CDC5L: variants seen among roughly 807,000 people sequenced by gnomAD.
CDC5L encodes cell division cycle 5 like.
A neutral mutation model predicts 104.1 loss-of-function variants in CDC5L; 18 were observed. The ratio of observed to expected loss-of-function variants is 0.17; its 90% CI spans 0.12 to 0.26. CDC5L has a LOEUF of 0.26. Among genes scored for constraint, CDC5L ranks in the 10% least tolerant of loss-of-function variants. The pLI is 1.00. For synonymous variants in CDC5L, 331 were observed against 322.7 expected, an observed-to-expected ratio of 1.03 and a Z score of -0.28; for missense variants, 673 against 956.9, an observed-to-expected ratio of 0.70 and a Z score of 3.91.
rs115934479 is a variant in CDC5L at position 44,438,458 on chromosome 6, A to G, written c.2092-7197A>G. Among the ~76,000 whole-genome samples the G allele has an allele frequency of 7.9e-3, 1,209 of 152,288 alleles. 21 individuals are homozygous for G. Among genetic ancestry groups the G allele is most frequent in the African/African-American group, 0.028 (1,155 of 41,554 alleles). ...GTTTTTAAGGACACAAAGATCTGAG[A>G]CCATTTAAATCAGAGTCTCTGGAGT... On this transcript the variant is annotated intron_variant, in intron 14 of 15. Transcript: ENST00000371477.
In CDC5L at chr6:44,402,938, T is replaced by A. The variant is rs184503227; in HGVS notation, c.540-871T>A. Among the ~76,000 whole-genome samples the A allele has an allele frequency of 3.2e-3, 495 of 152,368 alleles. 2 individuals carry two copies. Among genetic ancestry groups the A allele is most frequent in the African/African-American group, 0.011 (452 of 41,590 alleles). On this transcript the variant is annotated intron_variant, in intron 5 of 15. Transcript: ENST00000371477. Reference sequence around the variant, plus strand: ...GTTTAGATTGTATCCAGCTATCTACTATCATAAACAGTGCTTAGTGAACAG... The same window carrying A: ...GTTTAGATTGTATCCAGCTATCTACAATCATAAACAGTGCTTAGTGAACAG...
At chr6:44,404,843 C>T (rs1455833228) in intron 6 of CDC5L, among the ~76,000 whole-genome samples, 3 of 152,052 alleles carry the variant, frequency 2.0e-5, no homozygotes, top group African/African-American at 7.2e-5. Context: ...CAGATGTGTG[C>T]CACCATGACT....
intron 6 of CDC5L, among the ~76,000 whole-genome samples, chr6:44,405,068 C>T (rs891288228): frequency 1.3e-5 from 2 of 152,048 alleles, no homozygotes; most frequent in Non-Finnish European, 1.5e-5. Context: ...CTTACTGATC[C>T]TTTCACTTGA....
At chr6:44,403,694 A>G in intron 5 of CDC5L, 115 bp from the exon 6 acceptor site, 1 of 724,052 alleles carries the variant, frequency 1.4e-6, no homozygotes, top group Non-Finnish European at 2.2e-6. Flanking sequence ...TGAGGTAAGG[A>G]TTTAAATAAC....
At chr6:44,442,665 G>A (rs2153384237) in intron 14 of CDC5L, among the ~76,000 whole-genome samples, 1 of 151,860 alleles carries the variant, frequency 6.6e-6, no homozygotes, top group African/African-American at 2.4e-5. Context: ...ACAAATTGTT[G>A]CACTTCAGTT....
Position 44,406,450 on chromosome 6 carries a change from G to A in CDC5L, c.886G>A (p.Val296Ile), listed in dbSNP as rs2153377326. 1.2e-6 allele frequency: 2 copies of A among 1,609,870 alleles called. No individual in the cohort carries two copies. ...ATTTACTAAAAAGAGAAGCAAACTAGTACTTCCTGCCCCTCAGGTAATCTG... is the reference window on the plus strand; with the variant it reads ...ATTTACTAAAAAGAGAAGCAAACTAATACTTCCTGCCCCTCAGGTAATCTG... The part of the protein sequence containing the change: ...SEFTKKRSKL[V>I]LPAPQISDAE... The change falls in exon 7 of 16, where the codon GTA becomes ATA. Residue 296 changes from valine to isoleucine, a missense_variant. Transcript: ENST00000371477.
chr6:44,416,650 A>C (rs1346561217), intron 8 of CDC5L, among the ~76,000 whole-genome samples: 1 of 152,230 alleles, frequency 6.6e-6, no homozygotes, highest in Non-Finnish European at 1.5e-5. Context: ...CCACGTCAAC[A>C]AAGGATAATT....
In CDC5L at chr6:44,433,681, C is replaced by G. The variant is rs574606973; in HGVS notation, c.2091+3771C>G. 2.0e-4 allele frequency among the ~76,000 whole-genome samples: 31 copies of G among 152,258 alleles called. No homozygotes were observed. The South Asian group carries it at 5.8e-3, about 28-fold the overall frequency. ...ACTGTAGTCAAGAAATATTATATAA[C>G]ATAGACTTCTTAGAAGTAAAGTAAC... On this transcript the variant is annotated intron_variant, in intron 14 of 15. Transcript: ENST00000371477.
At position 44,393,547 on chromosome 6, in the gene CDC5L, G is replaced by A; in HGVS notation, c.413G>A (p.Arg138Gln). 6.2e-7 allele frequency: 1 copy of A among 1,613,852 alleles called. No homozygotes were observed. The highest frequency in any genetic ancestry group is 8.5e-7 in the Non-Finnish European group (1 of 1,179,890). The change falls in exon 4 of 16, where the codon CGG becomes CAG. Residue 138 changes from arginine to glutamine, a missense_variant. Coordinates refer to ENST00000371477, the MANE Select transcript of CDC5L (RefSeq NM_001253.4). ...CCAAATCCAGAAACAAAACCAGCGCGGCCTGATCCAATTGATATGGATGAG... is the reference window on the plus strand; with the variant it reads ...CCAAATCCAGAAACAAAACCAGCGCAGCCTGATCCAATTGATATGGATGAG... ...IDPNPETKPA[R>Q]PDPIDMDEDE...
At chr6:44,439,365 C>T (rs1202113996) in intron 14 of CDC5L, among the ~76,000 whole-genome samples, 1 of 152,118 alleles carries the variant, frequency 6.6e-6, no homozygotes, top group East Asian at 1.9e-4. Context: ...TTGGGAAATA[C>T]TGGGAGTGGA....
intron 5 of CDC5L, among the ~76,000 whole-genome samples, chr6:44,401,249 A>G (rs1266359353): frequency 6.6e-6 from 1 of 151,858 alleles, no homozygotes; most frequent in Non-Finnish European, 1.5e-5. Flanking sequence ...TTATTAGCTG[A>G]GTGTTTGGTG....
rs762282165 is a variant in CDC5L, at chr6:44,449,492, T to TA, written c.*2787dup. ...TAACATAGTGAGACCCTGTCTCTAT[T>TA]AAAAAATAATAATAAAAATAACATT... On this transcript the variant is annotated 3_prime_UTR_variant, in exon 16 of 16. Coordinates refer to ENST00000371477, the MANE Select transcript of CDC5L (RefSeq NM_001253.4). 1.3e-5 allele frequency: 2 copies of TA among 152,174 alleles called. No homozygotes were observed. The highest frequency in any genetic ancestry group is 2.4e-5 in the African/African-American group (1 of 41,438). 9.4% of individuals were successfully genotyped at this position (152,174 alleles called of 1,614,324 possible). A position where few individuals can be genotyped will look rare whatever the true frequency, so the allele number is the denominator to read the frequency against.
chr6:44,438,315 T>C (rs906839680), intron 14 of CDC5L, among the ~76,000 whole-genome samples: 50 of 152,218 alleles, frequency 3.3e-4, no homozygotes, highest in African/African-American at 1.2e-3. Context: ...TCATATCTTA[T>C]TGGAAATGAG....
intron 8 of CDC5L, among the ~76,000 whole-genome samples, chr6:44,414,487 C>CTTT (rs1316210840): frequency 1.3e-4 from 17 of 127,048 alleles, no homozygotes; most frequent in Non-Finnish European, 2.4e-4. Context: ...ATTGGGTTAT[C>CTTT]TTTTTTTTTT....
chr6:44,413,073 C>T (rs189986169), intron 8 of CDC5L, among the ~76,000 whole-genome samples: 15 of 152,250 alleles, frequency 9.9e-5, no homozygotes, highest in East Asian at 3.9e-4. Flanking sequence ...TGAGCCACCG[C>T]GCCCGGCCCA....
At chr6:44,403,199 G>C (rs553912132) in intron 5 of CDC5L, among the ~76,000 whole-genome samples, 1 of 152,146 alleles carries the variant, frequency 6.6e-6, no homozygotes, top group Admixed American at 6.5e-5. Flanking sequence ...AATTAGATAT[G>C]CACAAATGGT....
Position 44,408,551 on chromosome 6 carries a change from T to C in CDC5L, c.1011T>C (p.Leu337=). The change falls in exon 8 of 16, where the codon CTT becomes CTC. Residue 337 remains leucine (L), a synonymous_variant. Coordinates refer to ENST00000371477, the MANE Select transcript of CDC5L (RefSeq NM_001253.4). ...SGITNSASST[L]LSEYNVTNNS... ...TAACAAATTCTGCTTCCAGTACACT[T>C]TTGTCTGAGTACAATGTCACCAACA... 6.2e-7 allele frequency: 1 copy of C among 1,613,994 alleles called. No homozygotes were observed. The highest frequency in any genetic ancestry group is 8.5e-7 in the Non-Finnish European group (1 of 1,179,890).
In CDC5L at chr6:44,393,369, G is replaced by A. The variant is rs1010571779; in HGVS notation, c.312-77G>A. On this transcript the variant is annotated intron_variant, in intron 3 of 15. Transcript: ENST00000371477. ...TGGTTTTTTTGGGGGGAAAAATATC[G>A]TCAGAACTTGGAAATCTGGTAATTT... 150 of 1,385,214 alleles carry A rather than the reference G, an allele frequency of 1.1e-4. 1 individual carries two copies. The South Asian group carries it at 1.9e-3, about 17-fold the overall frequency. The allele number at this position is 1,385,214 out of a possible 1,614,324, so 85.8% of individuals were successfully genotyped here.
intron 14 of CDC5L, among the ~76,000 whole-genome samples, chr6:44,434,875 G>T (rs1792855192): frequency 6.6e-6 from 1 of 151,934 alleles, no homozygotes. Flanking sequence ...CATCTCCTGG[G>T]GACCATCAGT....
Sources: allele counts gnomAD v4.1 joint callset (sites outside exome capture counted in the v4.1 genomes callset), GRCh38; gene constraint gnomAD v4.1.1; transcripts MANE v1.5; gene names NCBI Gene and HGNC (gene_info 2026-07-23, HGNC 2026-07-21).